The following LONRF1 variants were observed in gnomAD, a reference collection of about 807,000 sequenced individuals.
LONRF1 encodes the protein LON peptidase N-terminal domain and ring finger 1.
In LONRF1, 37 loss-of-function variants were observed where a neutral mutation model predicts 85.8. The ratio of observed to expected loss-of-function variants is 0.43; its 90% CI spans 0.33 to 0.57. The LOEUF is 0.57. LONRF1 is among the 20% of genes least tolerant of loss of function. LONRF1 has a pLI of 0.04. For synonymous variants in LONRF1, 517 were observed against 390.1 expected (o/e 1.33, Z -3.83); for missense variants, 1,036 against 978.0 (o/e 1.06, Z -0.79).
In LONRF1 at chr8:12,735,222, A is replaced by G. The variant is rs972095904; in HGVS notation, c.1566+64T>C. 2.9e-6 allele frequency: 3 copies of G among 1,039,114 alleles called. No homozygotes were observed. The African/African-American group carries it at 4.8e-5, about 17-fold the overall frequency. The allele number at this position is 1,039,114 out of a possible 1,614,324, so 64.4% of individuals were successfully genotyped here. Reference sequence around the variant, plus strand: ...GTGATCATCACTATTTCTATGGCTGAACAGAAATTAAACCATGCTGCCAAA... The same window carrying G: ...GTGATCATCACTATTTCTATGGCTGGACAGAAATTAAACCATGCTGCCAAA... On this transcript the variant is annotated intron_variant, in intron 7 of 11. Transcript: ENST00000398246.
rs763108704 is a variant in LONRF1 at position 12,731,877 on chromosome 8, T to C, written c.1567-20A>G. Reference sequence around the variant, plus strand: ...TAGATACTAAAAGACAATATTATTTTACATTCCAGCAGTGGTTTTCCTACA... The same window carrying C: ...TAGATACTAAAAGACAATATTATTTCACATTCCAGCAGTGGTTTTCCTACA... On this transcript the variant is annotated intron_variant, in intron 7 of 11. Transcript: ENST00000398246. 1.2e-6 allele frequency: 2 copies of C among 1,604,318 alleles called. No individual in the cohort carries two copies. Among genetic ancestry groups the C allele is most frequent in the African/African-American group, 2.7e-5 (2 of 74,408 alleles).
chr8:12,736,786 C>A lies in LONRF1; in HGVS notation c.1366G>T (p.Glu456Ter), dbSNP rs1026092873. The A allele has an allele frequency of 6.9e-6, 11 of 1,605,064 alleles. No homozygotes were observed. The highest frequency in any genetic ancestry group is 1.3e-5 in the African/African-American group (1 of 74,370). The change falls in exon 6 of 12, where the codon GAA (glutamate) becomes TAA (stop). Residue 456 changes from glutamate to a stop codon, truncating the protein, a stop_gained. Transcript: ENST00000398246. LOFTEE classifies it high-confidence loss of function. ...TAAGCTAAGGAAAACATACAGACTT[C>A]ATTGGGAGTTTCTATTAAAACAAAG... is the stretch of plus-strand genomic sequence containing the variant. Reference protein sequence around the residue: ...KLKKQGETPNEVCMFSLAYGD... With the variant: ...KLKKQGETPN
intron 2 of LONRF1, among the ~76,000 whole-genome samples, chr8:12,742,688 C>A (rs1798984942): frequency 6.6e-6 from 1 of 151,828 alleles, no homozygotes; most frequent in Non-Finnish European, 1.5e-5. Context: ...AAAGAAAAGT[C>A]TCTTATAATT....
chr8:12,744,031 T>C (rs1799046074), intron 1 of LONRF1, among the ~76,000 whole-genome samples: 1 of 152,186 alleles, frequency 6.6e-6, no homozygotes, highest in Non-Finnish European at 1.5e-5. Context: ...TTACTACAGG[T>C]ACACAGATTC....
chr8:12,749,245 A>G (rs535311705), intron 1 of LONRF1, among the ~76,000 whole-genome samples: 2 of 152,174 alleles, frequency 1.3e-5, no homozygotes, highest in Non-Finnish European at 1.5e-5. Context: ...TTACCCACAT[A>G]AATGGTAGCC....
At chr8:12,745,691 C>T (rs2117321056) in intron 1 of LONRF1, among the ~76,000 whole-genome samples, 1 of 152,254 alleles carries the variant, frequency 6.6e-6, no homozygotes, top group South Asian at 2.1e-4. Flanking sequence ...AAGTGCCTGG[C>T]ATATTATGTA....
At chr8:12,747,156 G>C (rs1799191902) in intron 1 of LONRF1, among the ~76,000 whole-genome samples, 1 of 152,072 alleles carries the variant, frequency 6.6e-6, no homozygotes, top group Non-Finnish European at 1.5e-5. Context: ...TTTATACCCA[G>C]TATTATTTGT....
At chr8:12,732,609 T>C (rs1354211590) in intron 7 of LONRF1, among the ~76,000 whole-genome samples, 1 of 152,228 alleles carries the variant, frequency 6.6e-6, no homozygotes, top group African/African-American at 2.4e-5. Context: ...ATGCAAAACA[T>C]GTCTATCCTT....
chr8:12,751,988 AC>A (rs1799425621), intron 1 of LONRF1, among the ~76,000 whole-genome samples: 1 of 152,236 alleles, frequency 6.6e-6, no homozygotes, highest in Admixed American at 6.5e-5. Flanking sequence ...TTCAACAGAA[AC>A]TTATGTAATC....
chr8:12,740,264 G>A (rs147559500), intron 3 of LONRF1, among the ~76,000 whole-genome samples: 1 of 152,186 alleles, frequency 6.6e-6, no homozygotes, highest in African/African-American at 2.4e-5. Flanking sequence ...CAAGAGCTGA[G>A]TGCTATTTTA....
Position 12,731,869 on chromosome 8 carries a change from T to C in LONRF1, c.1567-12A>G. 5 of 1,604,936 alleles carry C rather than the reference T, an allele frequency of 3.1e-6. No homozygotes were observed. Among genetic ancestry groups the C allele is most frequent in the Non-Finnish European group, 4.2e-6 (5 of 1,176,668 alleles). ...CTATCTGCTAGATACTAAAAGACAA[T>C]ATTATTTTACATTCCAGCAGTGGTT... On this transcript the variant is annotated splice_polypyrimidine_tract_variant and intron_variant, in intron 7 of 11. Transcript: ENST00000398246.
At chr8:12,735,510 G>A in intron 6 of LONRF1, 110 bp from the exon 7 acceptor site, 1 of 697,826 alleles carries the variant, frequency 1.4e-6, no homozygotes. Context: ...GAAGAAGGAG[G>A]GCCCAGCAGG....
chr8:12,725,637 C>G (rs746143518), intron 11 of LONRF1, 90 bp downstream of exon 11: 71 of 1,327,272 alleles, frequency 5.3e-5, no homozygotes, highest in Middle Eastern at 1.9e-4. Flanking sequence ...AAAAGTAGTG[C>G]AGAAAGGACA....
At chr8:12,728,810 G>T in intron 10 of LONRF1, 91 bp downstream of exon 10, 1 of 1,431,868 alleles carries the variant, frequency 7.0e-7, no homozygotes, top group Non-Finnish European at 9.7e-7. Context: ...ATAAGAACTG[G>T]TTCATGCACC....
At chr8:12,754,597 G>A (rs962531929) in intron 1 of LONRF1, 103 bp downstream of exon 1, 13 of 1,201,702 alleles carry the variant, frequency 1.1e-5, no homozygotes, top group Admixed American at 8.8e-5. Context: ...CGGCCCCGGG[G>A]AAGCAGAGGA....
chr8:12,729,715 ATAGT>A lies in LONRF1; in HGVS notation c.1689-387_1689-384del, dbSNP rs550804188. On this transcript the variant is annotated intron_variant, in intron 8 of 11. Coordinates refer to ENST00000398246, the MANE Select transcript of LONRF1 (RefSeq NM_152271.5). ...TAAATACCTTTTATCCCAAACACTC[ATAGT>A]TACTCTTAGATAACAAGAAAAAGTG... 2.0e-5 allele frequency among the ~76,000 whole-genome samples: 3 copies of A among 151,910 alleles called. No homozygotes were observed. In the South Asian group the frequency reaches 6.2e-4, roughly 31 times the overall value.
rs1235410744 is a variant in LONRF1 at position 12,729,070 on chromosome 8, G to C, written c.1848-7C>G. ...ACAACCATAATCTGCAAAACTAAAA[G>C]AAAACCTTGATTAGTAACAAAGTTG... is the stretch of plus-strand genomic sequence containing the variant. On this transcript the variant is annotated splice_region_variant and splice_polypyrimidine_tract_variant and intron_variant, in intron 9 of 11. Coordinates refer to ENST00000398246, the MANE Select transcript of LONRF1 (RefSeq NM_152271.5). 2.5e-6 allele frequency: 4 copies of C among 1,613,144 alleles called. No individual in the cohort carries two copies. The East Asian group carries it at 6.7e-5, about 27-fold the overall frequency.
intron 7 of LONRF1, among the ~76,000 whole-genome samples, 187 bp from the exon 8 acceptor site, chr8:12,732,044 G>C (rs1798547538): frequency 6.6e-6 from 1 of 152,182 alleles, no homozygotes; most frequent in Admixed American, 6.5e-5. Flanking sequence ...TTGCACAAGA[G>C]CAGTAAAGAT....
In LONRF1 at chr8:12,730,631, A is replaced by G. The variant is rs552931974; in HGVS notation, c.1688+1105T>C. 8.5e-5 allele frequency among the ~76,000 whole-genome samples: 13 copies of G among 152,302 alleles called. No homozygotes were observed. The South Asian group carries it at 1.5e-3, about 17-fold the overall frequency. ...TTGTGTCACCATGTTTAAATTTTCA[A>G]AAGCAGAAATGCAGTTTTCTTAAAT... On this transcript the variant is annotated intron_variant, in intron 8 of 11. Transcript: ENST00000398246.
Sources: allele counts gnomAD v4.1 joint callset (sites outside exome capture counted in the v4.1 genomes callset), GRCh38; gene constraint gnomAD v4.1.1; transcripts MANE v1.5; gene names NCBI Gene and HGNC (gene_info 2026-07-23, HGNC 2026-07-21).